The following TJP1 variants were observed in gnomAD, a reference collection of about 807,000 sequenced individuals.
TJP1 encodes the protein tight junction protein 1, also known as tight junction protein ZO-1.
TJP1 carries 43 observed loss-of-function variants against 194.2 expected under a neutral mutation model. The observed-to-expected ratio is 0.22, with a 90% CI of 0.17 to 0.29. The LOEUF is 0.29. TJP1 is among the 10% of genes least tolerant of loss of function. The probability of loss-of-function intolerance (pLI) is 1.00; values close to 1 mark genes in which losing one functional copy is unlikely to be tolerated. For missense variants in TJP1, 1,971 were observed against 2,185.7 expected (o/e 0.90, Z 1.96); for synonymous variants, 801 against 779.0 (o/e 1.03, Z -0.47).
At chr15:29,958,369 C>G (rs751200001) in intron 1 of TJP1, among the ~76,000 whole-genome samples, 2 of 150,882 alleles carry the variant, frequency 1.3e-5, no homozygotes, top group Non-Finnish European at 2.9e-5. Flanking sequence ...TTTACCCAAT[C>G]TGAGGGTTAA....
At chr15:29,802,146 C>A (rs2048831907) in intron 1 of TJP1, among the ~76,000 whole-genome samples, 1 of 152,066 alleles carries the variant, frequency 6.6e-6, no homozygotes, top group Admixed American at 6.5e-5. Flanking sequence ...AAAAAAGATT[C>A]TTCAGAGTTA....
chr15:29,720,564 A>G lies in TJP1; in HGVS notation c.2557T>C (p.Tyr853His). The G allele has an allele frequency of 6.2e-7, 1 of 1,614,104 alleles. No individual in the cohort carries two copies. Among genetic ancestry groups the G allele is most frequent in the Non-Finnish European group, 8.5e-7 (1 of 1,180,020 alleles). Residue 853 changes from tyrosine (Y) to histidine (H), a missense_variant, in exon 19 of 28, where the codon TAC becomes CAC. Coordinates refer to ENST00000614355, the MANE Select transcript of TJP1 (RefSeq NM_001330239.4). ...GTTTCATCTAGTTCTTGATCAGTGT[A>G]GGCCCCGCCTTCTGTGTCTGTGTCT... ...YEDTDTEGGA[Y>H]TDQELDETLN...
At chr15:29,959,654 T>C (rs941729162) in intron 1 of TJP1, among the ~76,000 whole-genome samples, 6 of 152,182 alleles carry the variant, frequency 3.9e-5, no homozygotes. Flanking sequence ...ACTGTAACGT[T>C]TTCTCTCAAC....
intron 2 of TJP1, among the ~76,000 whole-genome samples, chr15:29,791,666 T>G (rs2048102559): frequency 6.6e-6 from 1 of 152,060 alleles, no homozygotes; most frequent in Non-Finnish European, 1.5e-5. Context: ...GTGCTGGGAT[T>G]ACAGGCGTGA....
Position 29,800,678 on chromosome 15 carries a change from T to C in TJP1, c.52A>G (p.Ile18Val), listed in dbSNP as rs777624644. 64 of 1,613,938 alleles carry C rather than the reference T, an allele frequency of 4.0e-5. No homozygotes were observed. The highest frequency in any genetic ancestry group is 5.2e-5 in the Non-Finnish European group (61 of 1,179,956). Residue 18 changes from isoleucine to valine, a missense_variant, in exon 2 of 28, where the codon ATA becomes GTA. Coordinates refer to ENST00000614355, the MANE Select transcript of TJP1 (RefSeq NM_001330239.4). The part of the protein sequence containing the change: ...AKSTAMEETA[I>V]WEQHTVTLHR... ...AGCGTCACTGTATGTTGTTCCCATA[T>C]AGCTGTTTCCTCCATTGCTGTGCTC... is the stretch of plus-strand genomic sequence containing the variant.
At chr15:29,761,933 T>C (rs2046032725) in intron 6 of TJP1, among the ~76,000 whole-genome samples, 164 bp from the exon 7 acceptor site, 1 of 152,220 alleles carries the variant, frequency 6.6e-6, no homozygotes, top group African/African-American at 2.4e-5. Flanking sequence ...CTTGAGATGA[T>C]AAAATCTTTA....
At chr15:29,892,214 C>A (rs191716624) in intron 2 of TJP1, among the ~76,000 whole-genome samples, 1 of 152,130 alleles carries the variant, frequency 6.6e-6, no homozygotes, top group East Asian at 1.9e-4. Context: ...TGACCCAAAA[C>A]AAGGCCCTAA....
intron 2 of TJP1, among the ~76,000 whole-genome samples, chr15:29,866,808 G>C (rs554734466): frequency 6.6e-6 from 1 of 152,320 alleles, no homozygotes; most frequent in South Asian, 2.1e-4. Context: ...GCTGGAGACC[G>C]AGCTGTCAGG....
chr15:29,705,248 G>A (rs1035283205), intron 26 of TJP1, among the ~76,000 whole-genome samples: 1 of 152,202 alleles, frequency 6.6e-6, no homozygotes, highest in Non-Finnish European at 1.5e-5. Flanking sequence ...ATTTGGTTAG[G>A]TCAGCCTAGG....
At chr15:29,959,499 T>C (rs539493463) in intron 1 of TJP1, among the ~76,000 whole-genome samples, 1 of 152,098 alleles carries the variant, frequency 6.6e-6, no homozygotes, top group Non-Finnish European at 1.5e-5. Flanking sequence ...AAACATCCAT[T>C]TCCCCACTGC....
chr15:29,826,743 G>T (rs2050688851), upstream of TJP1, among the ~76,000 whole-genome samples: 2 of 152,122 alleles, frequency 1.3e-5, no homozygotes, highest in African/African-American at 4.8e-5. Flanking sequence ...CACAGTCAGG[G>T]CTCCCCAGGC....
chr15:29,888,245 T>A (rs1288326670), intron 2 of TJP1, among the ~76,000 whole-genome samples: 2 of 152,090 alleles, frequency 1.3e-5, no homozygotes, highest in African/African-American at 4.8e-5. Flanking sequence ...AACACTATTA[T>A]ATCCATTTTA....
chr15:29,820,193 G>A (rs1308343852), intron 1 of TJP1, among the ~76,000 whole-genome samples: 4 of 151,074 alleles, frequency 2.6e-5, no homozygotes, highest in African/African-American at 9.7e-5. Context: ...TGAAAGGAGG[G>A]TGGGGAAAAC....
rs769565099 is a variant in TJP1 at position 29,761,622 on chromosome 15, C to G, written c.841G>C (p.Ala281Pro). ...VPDLSDSIHS[A>P]NASERDDISE... is the part of the protein sequence containing the mutation. ...TCACCGTCTCTCTCAGAGGCATTAG[C>G]AGAGTGGATGCTGTCAGAAAGATCA... The change falls in exon 7 of 28, where the codon GCT becomes CCT. Residue 281 changes from alanine to proline, a missense_variant. Transcript: ENST00000614355. 4 of 1,604,330 alleles carry G rather than the reference C, an allele frequency of 2.5e-6. No individual in the cohort carries two copies. The South Asian group carries it at 4.4e-5, about 18-fold the overall frequency.
chr15:29,755,448 A>C (rs1235720018), intron 8 of TJP1, among the ~76,000 whole-genome samples: 2 of 152,216 alleles, frequency 1.3e-5, no homozygotes, highest in Non-Finnish European at 2.9e-5. Flanking sequence ...AACTTGGCCA[A>C]ACGTGAATTT....
chr15:29,935,509 C>T (rs1339271424), intron 2 of TJP1, among the ~76,000 whole-genome samples: 1 of 152,098 alleles, frequency 6.6e-6, no homozygotes, highest in Non-Finnish European at 1.5e-5. Context: ...GACTCTCATG[C>T]CTGCTTCACC....
intron 2 of TJP1, among the ~76,000 whole-genome samples, chr15:29,843,612 C>T (rs1178356377): frequency 6.6e-6 from 1 of 152,210 alleles, no homozygotes; most frequent in Non-Finnish European, 1.5e-5. Context: ...AAATCCTCTT[C>T]CCCTGCCCCA....
chr15:29,799,361 T>C (rs1246528668), intron 2 of TJP1, among the ~76,000 whole-genome samples: 1 of 152,056 alleles, frequency 6.6e-6, no homozygotes, highest in Non-Finnish European at 1.5e-5. Context: ...ATGATTTCCT[T>C]CACCATTTAA....
intron 1 of TJP1, among the ~76,000 whole-genome samples, chr15:29,811,887 A>AATGT (rs2049542655): frequency 6.6e-6 from 1 of 152,088 alleles, no homozygotes; most frequent in Admixed American, 6.6e-5. Flanking sequence ...TGAATGAATG[A>AATGT]ATGTCTTAAA....
Sources: gnomAD v4.1 joint callset for allele counts (sites outside exome capture counted in the v4.1 genomes callset) on GRCh38, gnomAD v4.1.1 for gene constraint, MANE v1.5 for transcripts, NCBI Gene and HGNC (gene_info 2026-07-23, HGNC 2026-07-21) for gene names.